The following ASPRV1 variants were observed in gnomAD, a reference collection of about 807,000 sequenced individuals.
ASPRV1 encodes aspartic peptidase retroviral like 1.
In ASPRV1, 7 loss-of-function variants were observed where a neutral mutation model predicts 11.0. The ratio of observed to expected loss-of-function variants is 0.64; its 90% CI spans 0.36 to 1.20. The LOEUF (loss-of-function observed/expected upper bound fraction) is 1.20, where lower values mean the gene tolerates loss of function less well. ASPRV1 is among the 50% of genes most tolerant of loss of function. ASPRV1 has a pLI of 0.02. For missense variants in ASPRV1, 299 were observed against 320.0 expected (o/e 0.93, Z 0.50); for synonymous variants, 136 against 138.4 (o/e 0.98, Z 0.12).
chr2:69,975,574 AAGTCCATG>A, the ASPRV1 span: 1 of 152,278 alleles, frequency 6.6e-6, no homozygotes, highest in Non-Finnish European at 1.5e-5. Context: ...GAGAGAGGCG[AAGTCCATG>A]GGTTTCTCCC....
the ASPRV1 span, among the ~76,000 whole-genome samples, chr2:70,041,742 C>T: frequency 1.3e-5 from 2 of 152,082 alleles, no homozygotes; most frequent in Admixed American, 1.3e-4. Flanking sequence ...TCAGAGAAGC[C>T]CTCCTATCTT....
the ASPRV1 span, among the ~76,000 whole-genome samples, chr2:70,066,384 G>A: frequency 3.3e-5 from 5 of 151,594 alleles, no homozygotes; most frequent in Non-Finnish European, 7.4e-5. Flanking sequence ...GATTACAGGT[G>A]CCTGCCACCA....
At chr2:70,044,774 TACTC>T in the ASPRV1 span, among the ~76,000 whole-genome samples, 3 of 152,200 alleles carry the variant, frequency 2.0e-5, no homozygotes, top group South Asian at 2.1e-4. Flanking sequence ...ACCTCTTATT[TACTC>T]AGTAATCATT....
At chr2:70,007,777 A>G in the ASPRV1 span, among the ~76,000 whole-genome samples, 1 of 152,102 alleles carries the variant, frequency 6.6e-6, no homozygotes, top group Non-Finnish European at 1.5e-5. Context: ...CTGGAGGACC[A>G]GGGAACTTTT....
the ASPRV1 span, among the ~76,000 whole-genome samples, chr2:69,986,678 G>T: frequency 6.6e-6 from 1 of 152,146 alleles, no homozygotes; most frequent in Admixed American, 6.5e-5. Flanking sequence ...GATGGTGGGG[G>T]ACAAGAGAAC....
chr2:70,081,786 T>G, the ASPRV1 span, among the ~76,000 whole-genome samples: 4 of 152,018 alleles, frequency 2.6e-5, no homozygotes, highest in African/African-American at 9.7e-5. Context: ...GGTCTCACCA[T>G]GTTGCCCAGA....
upstream of ASPRV1, chr2:69,963,188 T>C (rs967964338): frequency 3.0e-5 from 13 of 440,160 alleles, no homozygotes; most frequent in African/African-American, 2.4e-4. Context: ...AGAGAGGCAG[T>C]TGGGTCAACA....
chr2:70,055,399 T>C, the ASPRV1 span, among the ~76,000 whole-genome samples: 9 of 152,270 alleles, frequency 5.9e-5, no homozygotes, highest in African/African-American at 1.9e-4. Flanking sequence ...CCATTAATGA[T>C]AGACTGGATA....
At chr2:69,963,710 T>C (rs1678222850), upstream of ASPRV1, among the ~76,000 whole-genome samples, 1 of 152,196 alleles carries the variant, frequency 6.6e-6, no homozygotes, top group Admixed American at 6.5e-5. Context: ...GGTGTTCACA[T>C]TGGCAAAGCA....
chr2:69,937,959 C>A, the ASPRV1 span: 7 of 745,050 alleles, frequency 9.4e-6, no homozygotes, highest in East Asian at 1.7e-4. Flanking sequence ...GTTGGCCCAG[C>A]TGGTCTCAAA....
At chr2:70,023,834 T>C in the ASPRV1 span, among the ~76,000 whole-genome samples, 1 of 152,170 alleles carries the variant, frequency 6.6e-6, no homozygotes, top group Non-Finnish European at 1.5e-5. Flanking sequence ...CTGTATTACT[T>C]TTCAATTGCA....
chr2:70,008,808 TG>T, the ASPRV1 span, among the ~76,000 whole-genome samples: 1 of 152,118 alleles, frequency 6.6e-6, no homozygotes, highest in Non-Finnish European at 1.5e-5. Context: ...CCAGCCAGCC[TG>T]GGGAGGACAG....
the ASPRV1 span, among the ~76,000 whole-genome samples, chr2:70,029,089 G>C: frequency 6.6e-6 from 1 of 152,168 alleles, no homozygotes; most frequent in East Asian, 1.9e-4. Flanking sequence ...GTAGGGGACT[G>C]GTGTGATGTC....
chr2:69,943,965 C>T, the ASPRV1 span, among the ~76,000 whole-genome samples: 1 of 152,210 alleles, frequency 6.6e-6, no homozygotes, highest in Non-Finnish European at 1.5e-5. Flanking sequence ...GGCATTCTGC[C>T]TGCAGGTCTG....
At chr2:69,965,280 G>A (rs575486227), upstream of ASPRV1, among the ~76,000 whole-genome samples, 1 of 152,094 alleles carries the variant, frequency 6.6e-6, no homozygotes, top group Non-Finnish European at 1.5e-5. Flanking sequence ...TGATCCACCC[G>A]CCTCGGCCTC....
chr2:70,078,683 A>G, the ASPRV1 span, among the ~76,000 whole-genome samples: 1 of 152,226 alleles, frequency 6.6e-6, no homozygotes, highest in Non-Finnish European at 1.5e-5. Flanking sequence ...TAGGAAATGA[A>G]GTCAGAGCAG....
the ASPRV1 span, among the ~76,000 whole-genome samples, chr2:70,047,630 A>G: frequency 1.3e-5 from 2 of 152,208 alleles, no homozygotes; most frequent in Non-Finnish European, 2.9e-5. Flanking sequence ...TAGTCACTAC[A>G]CTTCTCTGAC....
chr2:69,974,229 C>T, the ASPRV1 span, among the ~76,000 whole-genome samples: 3 of 151,778 alleles, frequency 2.0e-5, no homozygotes, highest in Non-Finnish European at 4.4e-5. Context: ...CCCAGCTACT[C>T]AGGAGGCTGA....
the ASPRV1 span, among the ~76,000 whole-genome samples, chr2:70,022,984 CCCAT>C: frequency 5.3e-5 from 8 of 152,158 alleles, no homozygotes; most frequent in African/African-American, 1.9e-4. Flanking sequence ...ACCTTCCCCT[CCCAT>C]GCTTCTCCAC....
Sources: gnomAD v4.1 joint callset for allele counts (sites outside exome capture counted in the v4.1 genomes callset) on GRCh38, gnomAD v4.1.1 for gene constraint, MANE v1.5 for transcripts, NCBI Gene and HGNC (gene_info 2026-07-23, HGNC 2026-07-21) for gene names.